BMAL1: variants seen among roughly 807,000 people sequenced by gnomAD.
BMAL1 encodes the protein basic helix-loop-helix ARNT-like protein 1.
chr11:13,353,685 GTGTATGCCTTTAGTCCCAGCT>G, the BMAL1 span, among the ~76,000 whole-genome samples: 1 of 152,126 alleles, frequency 6.6e-6, no homozygotes, highest in Non-Finnish European at 1.5e-5. Context: ...AGGTGTGGTG[GTGTATGCCTTTAGTCCCAGCT>G]TCCCAGCGTT....
the BMAL1 span, among the ~76,000 whole-genome samples, chr11:13,299,535 C>T: frequency 2.0e-5 from 3 of 152,114 alleles, no homozygotes; most frequent in Non-Finnish European, 4.4e-5. Context: ...GGGGGGAAAA[C>T]TGTAATGCCA....
At chr11:13,361,162 A>T in the BMAL1 span, among the ~76,000 whole-genome samples, 3 of 152,092 alleles carry the variant, frequency 2.0e-5, no homozygotes, top group African/African-American at 4.8e-5. Context: ...AATGCAAGAG[A>T]TATATGCTTT....
At chr11:13,341,536 C>A in the BMAL1 span, among the ~76,000 whole-genome samples, 5 of 152,252 alleles carry the variant, frequency 3.3e-5, no homozygotes, top group East Asian at 9.6e-4. Flanking sequence ...GAAACACAAG[C>A]ACCTTTCAGG....
the BMAL1 span, chr11:13,379,179 T>C: frequency 2.0e-5 from 3 of 152,202 alleles, no homozygotes; most frequent in Non-Finnish European, 4.4e-5. Context: ...GCCTGACATA[T>C]AGTGAGTGCT....
the BMAL1 span, among the ~76,000 whole-genome samples, chr11:13,355,943 C>T: frequency 6.6e-6 from 1 of 152,210 alleles, no homozygotes; most frequent in African/African-American, 2.4e-5. Flanking sequence ...AGAGGCCCAG[C>T]TGGCAGTCCA....
At chr11:13,357,841 C>T in the BMAL1 span, among the ~76,000 whole-genome samples, 192 of 152,280 alleles carry the variant, frequency 1.3e-3, no homozygotes, top group Non-Finnish European at 2.0e-3. This position sits in a 1 kb window ranked among gnomAD's most constrained non-coding sequence, Gnocchi z 4.8. Context: ...CCTGCCTCAG[C>T]GGGAGGAGTG....
the BMAL1 span, among the ~76,000 whole-genome samples, chr11:13,292,585 T>C: frequency 6.6e-6 from 1 of 152,064 alleles, no homozygotes; most frequent in African/African-American, 2.4e-5. Context: ...AATAAAGTAT[T>C]TAATTGGTGG....
the BMAL1 span, chr11:13,378,362 T>C: frequency 3.1e-6 from 5 of 1,612,650 alleles, no homozygotes; most frequent in Admixed American, 1.7e-5. Context: ...CCCACCCCAC[T>C]GTTCCAGGGA....
the BMAL1 span, among the ~76,000 whole-genome samples, chr11:13,339,861 C>T: frequency 6.6e-6 from 1 of 152,162 alleles, no homozygotes; most frequent in East Asian, 1.9e-4. Flanking sequence ...GCCTTCCTCA[C>T]CAGGAGGTGT....
At chr11:13,368,573 G>A in the BMAL1 span, among the ~76,000 whole-genome samples, 1 of 152,196 alleles carries the variant, frequency 6.6e-6, no homozygotes, top group Non-Finnish European at 1.5e-5. Flanking sequence ...TGGGATGGGA[G>A]GAAGCCCAGA....
At chr11:13,289,628 C>T in the BMAL1 span, among the ~76,000 whole-genome samples, 2 of 152,120 alleles carry the variant, frequency 1.3e-5, no homozygotes, top group South Asian at 2.1e-4. Flanking sequence ...TGAGAACATG[C>T]GGTGTTTGGT....
the BMAL1 span, among the ~76,000 whole-genome samples, chr11:13,303,141 G>T: frequency 6.6e-6 from 1 of 152,144 alleles, no homozygotes; most frequent in African/African-American, 2.4e-5. Context: ...AGCCTTCAAG[G>T]GATAGAGTAA....
the BMAL1 span, among the ~76,000 whole-genome samples, chr11:13,331,764 C>G: frequency 4.6e-5 from 7 of 152,272 alleles, no homozygotes; most frequent in African/African-American, 1.4e-4. Context: ...CTTTCTTGCC[C>G]TGGGCTGCAT....
the BMAL1 span, among the ~76,000 whole-genome samples, chr11:13,279,416 T>C: frequency 6.6e-6 from 1 of 152,260 alleles, no homozygotes; most frequent in African/African-American, 2.4e-5. Context: ...TATTATTAAA[T>C]GACAACTATT....
chr11:13,370,772 C>A, the BMAL1 span, among the ~76,000 whole-genome samples: 1 of 152,176 alleles, frequency 6.6e-6, no homozygotes, highest in African/African-American at 2.4e-5. Context: ...TTTTAAAAAC[C>A]CTTCAGTGTT....
At chr11:13,342,565 G>A in the BMAL1 span, among the ~76,000 whole-genome samples, 262 of 152,264 alleles carry the variant, frequency 1.7e-3, no homozygotes, top group African/African-American at 5.9e-3. Context: ...ACAGGGCTGC[G>A]TTTAAAGGTC....
the BMAL1 span, among the ~76,000 whole-genome samples, chr11:13,299,289 G>A: frequency 6.6e-6 from 1 of 152,186 alleles, no homozygotes; most frequent in Non-Finnish European, 1.5e-5. Context: ...CTCAGGCTTT[G>A]AGAGGTTGGG....
At chr11:13,353,046 A>C in the BMAL1 span, among the ~76,000 whole-genome samples, 2 of 152,242 alleles carry the variant, frequency 1.3e-5, no homozygotes, top group Admixed American at 6.5e-5. Flanking sequence ...TCTTCATTTC[A>C]TCTCATGGCT....
the BMAL1 span, among the ~76,000 whole-genome samples, chr11:13,317,178 T>C: frequency 6.6e-6 from 1 of 152,222 alleles, no homozygotes; most frequent in African/African-American, 2.4e-5. Flanking sequence ...AAGAAGACTT[T>C]GGAACAGATA....
Sources: allele counts gnomAD v4.1 joint callset (sites outside exome capture counted in the v4.1 genomes callset), GRCh38; gene constraint gnomAD v4.1.1; non-coding constraint Gnocchi (gnomAD v3.1); transcripts MANE v1.5; gene names NCBI Gene and HGNC (gene_info 2026-07-23, HGNC 2026-07-21).